The following FBXL2 variants were observed in gnomAD, a reference collection of about 807,000 sequenced individuals.
FBXL2 encodes the protein F-box and leucine rich repeat protein 2.
FBXL2 carries 38 observed loss-of-function variants against 69.2 expected under a neutral mutation model. That is an observed-to-expected ratio of 0.55 (90% confidence interval 0.42 to 0.72). FBXL2 has a LOEUF of 0.72. Among genes scored for constraint, FBXL2 ranks in the 30% least tolerant of loss-of-function variants. FBXL2 has a pLI of 0.00. For synonymous variants in FBXL2, 192 were observed against 201.3 expected (o/e 0.95, Z 0.39); for missense variants, 354 against 520.3 (o/e 0.68, Z 3.11).
At chr3:33,421,807 G>A in the FBXL2 span, among the ~76,000 whole-genome samples, 1 of 152,224 alleles carries the variant, frequency 6.6e-6, no homozygotes, top group Non-Finnish European at 1.5e-5. Flanking sequence ...CCAGCACTTT[G>A]AGAGGCCAAG....
rs955392219 is a variant in FBXL2 at position 33,400,619 on chromosome 3, T to C, written n.1215-2615T>C. ...ACTTATATGTGGGAACTAAAAAAAT[T>C]TGAACACATGAAGGGAGAGAGTGGA... is the stretch of plus-strand genomic sequence containing the variant. On this transcript the variant is annotated intron_variant and non_coding_transcript_variant, in intron 12 of 12. Transcript: ENST00000463736. Among the ~76,000 whole-genome samples, 5 of 152,040 alleles carry C rather than the reference T, an allele frequency of 3.3e-5. No homozygotes were observed. In the East Asian group the frequency reaches 5.8e-4, roughly 18 times the overall value.
chr3:33,353,878 AC>A (rs1394285513), intron 2 of FBXL2, among the ~76,000 whole-genome samples: 1 of 152,084 alleles, frequency 6.6e-6, no homozygotes, highest in African/African-American at 2.4e-5. Flanking sequence ...ACAGTATGAG[AC>A]CATGTCTGGG....
At chr3:33,358,879 G>A in intron 2 of FBXL2, 88 bp from the exon 3 acceptor site, 2 of 718,944 alleles carry the variant, frequency 2.8e-6, no homozygotes, top group Middle Eastern at 2.6e-4. Context: ...ATGTATCCAG[G>A]TGGCGGATTA....
In FBXL2 at chr3:33,335,122, G is replaced by T. The variant is rs562822303; in HGVS notation, c.66-23845G>T. Among the ~76,000 whole-genome samples, 829 of 150,390 alleles carry T rather than the reference G, an allele frequency of 5.5e-3. 2 individuals are homozygous for T. Among genetic ancestry groups the T allele is most frequent in the Middle Eastern group, 0.01 (3 of 292 alleles). ...TCTCAAATAATAATAATAATAATAA[G>T]AAGAAGAATACTCACTGACCTTTAA... On this transcript the variant is annotated intron_variant, in intron 2 of 14. Transcript: ENST00000484457.
chr3:33,359,755 G>A (rs1013283014), intron 4 of FBXL2, among the ~76,000 whole-genome samples: 2 of 151,552 alleles, frequency 1.3e-5, no homozygotes, highest in South Asian at 4.2e-4. Context: ...GAGTGAGGCT[G>A]GAGATCTAAA....
intron 2 of FBXL2, among the ~76,000 whole-genome samples, chr3:33,335,866 GGAGAT>G (rs1177758161): frequency 6.6e-6 from 1 of 151,992 alleles, no homozygotes; most frequent in Admixed American, 6.6e-5. Flanking sequence ...AGCGGGCAGG[GGAGAT>G]AATTTTGTGC....
chr3:33,293,363 A>G, intron 1 of FBXL2, among the ~76,000 whole-genome samples: 1 of 152,340 alleles, frequency 6.6e-6, no homozygotes, highest in Non-Finnish European at 1.5e-5. Flanking sequence ...AGGTCCCATT[A>G]ATATCCCCAT....
intron 5 of FBXL2, among the ~76,000 whole-genome samples, chr3:33,371,777 C>T (rs2042321932): frequency 1.3e-5 from 2 of 152,044 alleles, no homozygotes; most frequent in African/African-American, 2.4e-5. Context: ...AGGTTTTGTT[C>T]TGGGATACAG....
chr3:33,315,943 ATTG>A (rs1337326700), intron 2 of FBXL2, among the ~76,000 whole-genome samples: 1 of 151,988 alleles, frequency 6.6e-6, no homozygotes, highest in African/African-American at 2.4e-5. Flanking sequence ...AGTCATCGCC[ATTG>A]TTGTTTAAGT....
Position 33,284,262 on chromosome 3 carries a change from T to C in FBXL2, c.3+6747T>C, listed in dbSNP as rs564629761. On this transcript the variant is annotated intron_variant, in intron 1 of 14. Transcript: ENST00000484457. ...CTGGTATGTTGTGTCTTTGCTCTCA[T>C]TGGTTTCAAAGAACATCTTTATTTC... 1.1e-4 allele frequency among the ~76,000 whole-genome samples: 17 copies of C among 152,360 alleles called. No individual in the cohort carries two copies. In the South Asian group the frequency reaches 3.3e-3, roughly 30 times the overall value.
At chr3:33,415,660 G>C in the FBXL2 span, among the ~76,000 whole-genome samples, 2 of 151,714 alleles carry the variant, frequency 1.3e-5, no homozygotes, top group African/African-American at 4.8e-5. Flanking sequence ...CAGTTTTAAA[G>C]ACCTCAGTAT....
chr3:33,352,487 T>C (rs547708716), intron 2 of FBXL2, among the ~76,000 whole-genome samples: 1 of 152,280 alleles, frequency 6.6e-6, no homozygotes, highest in East Asian at 1.9e-4. Flanking sequence ...TAAAACATCT[T>C]CTCTGAGAAA....
At chr3:33,326,696 A>C (rs1456236487) in intron 2 of FBXL2, among the ~76,000 whole-genome samples, 7 of 152,190 alleles carry the variant, frequency 4.6e-5, no homozygotes. Flanking sequence ...ATATGAGCAC[A>C]GGCTTAATGG....
At chr3:33,380,104 A>C (rs956445723) in intron 13 of FBXL2, among the ~76,000 whole-genome samples, 1 of 151,908 alleles carries the variant, frequency 6.6e-6, no homozygotes, top group Non-Finnish European at 1.5e-5. Context: ...ACACGCCTGT[A>C]GTCCCAGCTA....
At chr3:33,401,862 G>T (rs1430222227) in intron 12 of FBXL2, among the ~76,000 whole-genome samples, 3 of 152,126 alleles carry the variant, frequency 2.0e-5, no homozygotes, top group Non-Finnish European at 4.4e-5. Flanking sequence ...GACTGACTAG[G>T]AAACTATTCT....
intron 2 of FBXL2, among the ~76,000 whole-genome samples, chr3:33,325,420 T>G (rs893225532): frequency 5.3e-5 from 8 of 152,166 alleles, no homozygotes; most frequent in African/African-American, 1.7e-4. Flanking sequence ...ATGATATTGG[T>G]TGTGTGTTTG....
intron 11 of FBXL2, 144 bp downstream of exon 11, chr3:33,377,477 C>A: frequency 1.4e-6 from 1 of 726,966 alleles, no homozygotes; most frequent in Non-Finnish European, 2.3e-6. Context: ...GTGTGTACTG[C>A]AGTTTTTCCA....
intron 2 of FBXL2, among the ~76,000 whole-genome samples, chr3:33,328,994 A>G (rs557312212): frequency 6.6e-6 from 1 of 152,328 alleles, no homozygotes; most frequent in South Asian, 2.1e-4. Flanking sequence ...ACAAGAGATT[A>G]GTTGCCAGAA....
chr3:33,397,685 C>T (rs960492684), intron 12 of FBXL2: 10 of 152,062 alleles, frequency 6.6e-5, no homozygotes, highest in Admixed American at 4.6e-4. Context: ...TCTGTCACAG[C>T]AGCTAATTTT....
Sources: gnomAD v4.1 joint callset for allele counts (sites outside exome capture counted in the v4.1 genomes callset) on GRCh38, gnomAD v4.1.1 for gene constraint, MANE v1.5 for transcripts, NCBI Gene and HGNC (gene_info 2026-07-23, HGNC 2026-07-21) for gene names.